OSGIN2: variants seen among roughly 807,000 people sequenced by gnomAD.
The protein encoded by OSGIN2 is oxidative stress induced growth inhibitor family member 2.
In OSGIN2, 19 loss-of-function variants were observed where a neutral mutation model predicts 53.8. That is an observed-to-expected ratio of 0.35 (90% CI 0.25 to 0.52). The LOEUF (loss-of-function observed/expected upper bound fraction) is 0.52, where lower values mean the gene tolerates loss of function less well. Ranked by LOEUF, OSGIN2 falls within the 20% of genes least tolerant of loss-of-function variation. The pLI is 0.95. For synonymous variants in OSGIN2, 236 were observed against 236.0 expected, an observed-to-expected ratio of 1.00 and a Z score of 0.00; for missense variants, 520 against 662.7, an observed-to-expected ratio of 0.78 and a Z score of 2.36.
At chr8:89,906,395 G>C (rs1244863875) in intron 1 of OSGIN2, among the ~76,000 whole-genome samples, 1 of 152,194 alleles carries the variant, frequency 6.6e-6, no homozygotes, top group Admixed American at 6.5e-5. Flanking sequence ...GAACAAACTT[G>C]CATTAGTTGT....
chr8:89,914,241 A>C, intron 3 of OSGIN2, 28 bp downstream of exon 3: 1 of 1,533,752 alleles, frequency 6.5e-7, no homozygotes, highest in Non-Finnish European at 8.8e-7. Flanking sequence ...TCAATTTAAA[A>C]AATTTTTTTA....
intron 1 of OSGIN2, among the ~76,000 whole-genome samples, chr8:89,903,294 C>T (rs1318855370): frequency 1.3e-5 from 2 of 152,168 alleles, no homozygotes; most frequent in African/African-American, 2.4e-5. Context: ...AAGATGTTAG[C>T]CATGGTAAGA....
chr8:89,920,854 T>C (rs1166978500), intron 4 of OSGIN2, among the ~76,000 whole-genome samples: 1 of 152,206 alleles, frequency 6.6e-6, no homozygotes, highest in Non-Finnish European at 1.5e-5. Context: ...TTTATAACTA[T>C]ATGAAAGAAG....
chr8:89,916,783 CCTTT>C (rs1230588892), intron 4 of OSGIN2, among the ~76,000 whole-genome samples: 3 of 152,124 alleles, frequency 2.0e-5, no homozygotes, highest in African/African-American at 7.2e-5. Flanking sequence ...GCTTCTGCTC[CCTTT>C]CTTGAAAGCT....
intron 4 of OSGIN2, among the ~76,000 whole-genome samples, chr8:89,919,946 G>T (rs148487254): frequency 6.6e-6 from 1 of 152,240 alleles, no homozygotes; most frequent in East Asian, 1.9e-4. Context: ...GGGGAAAAAA[G>T]AAAGATAGGA....
At position 89,927,324 on chromosome 8, in the gene OSGIN2, A is replaced by AAAG. The variant is rs1418861031; in HGVS notation, c.*1793_*1795dup. On this transcript the variant is annotated 3_prime_UTR_variant, in exon 6 of 6. Transcript: ENST00000451899. Reference sequence around the variant, plus strand: ...AAAAAAAAAGACTTCAAGAAAAATAAAAGTTCAGTGGAGCTGCAAATAAAT... The same window carrying AAAG: ...AAAAAAAAAGACTTCAAGAAAAATAAAAGAAGTTCAGTGGAGCTGCAAATAAAT... 3.9e-5 allele frequency: 6 copies of AAAG among 152,104 alleles called. No homozygotes were observed. Among genetic ancestry groups the AAAG allele is most frequent in the Admixed American group, 6.5e-5 (1 of 15,270 alleles). The allele number at this position is 152,104 out of a possible 1,614,324, so 9.4% of individuals were successfully genotyped here. A position where few individuals can be genotyped will look rare whatever the true frequency, so the allele number is the denominator to read the frequency against.
At chr8:89,920,382 A>G (rs1245391798) in intron 4 of OSGIN2, among the ~76,000 whole-genome samples, 1 of 152,224 alleles carries the variant, frequency 6.6e-6, no homozygotes, top group African/African-American at 2.4e-5. Context: ...CCACTGCCTA[A>G]AAGAGTTGAT....
Position 89,925,754 on chromosome 8 carries a change from G to A in OSGIN2, c.*222G>A, listed in dbSNP as rs544543367. ...GACAAATAGAAACACTGCCAACTTG[G>A]TGTAACTTAAGCTTTCATTTAACTA... On this transcript the variant is annotated 3_prime_UTR_variant, in exon 6 of 6. Transcript: ENST00000451899. 15 of 450,628 alleles carry A rather than the reference G, an allele frequency of 3.3e-5. No individual in the cohort carries two copies. The East Asian group carries it at 3.6e-4, about 11-fold the overall frequency. 27.9% of individuals were successfully genotyped at this position (450,628 alleles called of 1,614,324 possible).
Position 89,927,143 on chromosome 8 carries a change from G to A in OSGIN2, c.*1611G>A, listed in dbSNP as rs921928223. Reference sequence around the variant, plus strand: ...GCCTGCCTGTTTTTGACCTCTGCATGAGTTGGATTAGATGTTTTTCTTACT... The same window carrying A: ...GCCTGCCTGTTTTTGACCTCTGCATAAGTTGGATTAGATGTTTTTCTTACT... On this transcript the variant is annotated 3_prime_UTR_variant, in exon 6 of 6. Coordinates refer to ENST00000451899, the MANE Select transcript of OSGIN2 (RefSeq NM_001126111.3). 1 of 152,066 alleles carries A rather than the reference G, an allele frequency of 6.6e-6. No individual in the cohort carries two copies. Among genetic ancestry groups the A allele is most frequent in the Non-Finnish European group, 1.5e-5 (1 of 68,000 alleles). 9.4% of individuals were successfully genotyped at this position (152,066 alleles called of 1,614,324 possible).
At position 89,925,779 on chromosome 8, in the gene OSGIN2, A is replaced by G. The variant is rs1333507995; in HGVS notation, c.*247A>G. On this transcript the variant is annotated 3_prime_UTR_variant, in exon 6 of 6. Coordinates refer to ENST00000451899, the MANE Select transcript of OSGIN2 (RefSeq NM_001126111.3). ...GTGTAACTTAAGCTTTCATTTAACT[A>G]AAACATTCTTTTCTTGCAAAACTTA... The G allele has an allele frequency of 7.6e-6, 3 of 395,202 alleles. No homozygotes were observed. The highest frequency in any genetic ancestry group is 1.4e-5 in the Non-Finnish European group (3 of 221,248). The allele number at this position is 395,202 out of a possible 1,614,324, so 24.5% of individuals were successfully genotyped here. A position where few individuals can be genotyped will look rare whatever the true frequency, so the allele number is the denominator to read the frequency against.
At chr8:89,914,936 A>G (rs1176188569) in intron 4 of OSGIN2, among the ~76,000 whole-genome samples, 190 bp downstream of exon 4, 2 of 152,230 alleles carry the variant, frequency 1.3e-5, no homozygotes, top group East Asian at 3.8e-4. Context: ...GCCAAATTTT[A>G]TTACTGGTAC....
At chr8:89,918,702 AAACT>A (rs1343863477) in intron 4 of OSGIN2, among the ~76,000 whole-genome samples, 6 of 152,284 alleles carry the variant, frequency 3.9e-5, no homozygotes, top group South Asian at 2.1e-4. Flanking sequence ...AACGTACCTA[AAACT>A]AACTATCTTT....
Position 89,914,128 on chromosome 8 carries a change from C to T in OSGIN2, c.251C>T (p.Pro84Leu), listed in dbSNP as rs866375343. ...TCTTATATGTTATCAGGCTACAGAC[C>T]GTATTTATCATCAGAAGCAATACAC... ...CLSYMLSGYR[P>L]YLSSEAIHPN... Residue 84 changes from proline to leucine, a missense_variant, in exon 3 of 6, where the codon CCG (proline) becomes CTG (leucine). By Grantham distance (98) the Pro-to-Leu change is moderately conservative (BLOSUM62 -3). This residue lies in a region of OSGIN2 where 203 missense variants were observed against 275.3 expected (regional missense o/e 0.74). Coordinates refer to ENST00000451899, the MANE Select transcript of OSGIN2 (RefSeq NM_001126111.3). 4 of 1,604,736 alleles carry T rather than the reference C, an allele frequency of 2.5e-6. No individual in the cohort carries two copies. The highest frequency in any genetic ancestry group is 2.6e-6 in the Non-Finnish European group (3 of 1,172,154).
intron 4 of OSGIN2, among the ~76,000 whole-genome samples, chr8:89,919,927 A>AG (rs775738659): frequency 2.0e-5 from 3 of 152,172 alleles, no homozygotes; most frequent in Non-Finnish European, 2.9e-5. Flanking sequence ...CATGGCATAT[A>AG]GGTTACATGG....
In OSGIN2 at chr8:89,925,014, C is replaced by A. The variant is rs758937124; in HGVS notation, c.1132C>A (p.Arg378=). The change falls in exon 6 of 6, where the codon CGA becomes AGA. Residue 378 remains arginine, a synonymous_variant. Transcript: ENST00000451899. ...CCCTGTGATTCATGTGTTTCGCAGA[C>A]GAGTAACTGATCCAAGCTTAATTTT... ...NIPVIHVFRR[R]VTDPSLIFKQ... The A allele has an allele frequency of 6.2e-7, 1 of 1,613,888 alleles. No homozygotes were observed. The highest frequency in any genetic ancestry group is 1.1e-5 in the South Asian group (1 of 91,084).
intron 4 of OSGIN2, among the ~76,000 whole-genome samples, chr8:89,920,329 C>T (rs956561956): frequency 2.0e-5 from 3 of 152,096 alleles, no homozygotes; most frequent in Non-Finnish European, 1.5e-5. Flanking sequence ...CATTTTCAAA[C>T]TGGGTGTTAT....
chr8:89,920,700 A>T (rs905394452), intron 4 of OSGIN2, among the ~76,000 whole-genome samples: 1 of 152,224 alleles, frequency 6.6e-6, no homozygotes, highest in African/African-American at 2.4e-5. Flanking sequence ...AACTTAATGA[A>T]CATTTTTCCT....
At chr8:89,917,236 A>G (rs1435563596) in intron 4 of OSGIN2, among the ~76,000 whole-genome samples, 1 of 152,216 alleles carries the variant, frequency 6.6e-6, no homozygotes, top group Non-Finnish European at 1.5e-5. Flanking sequence ...TGTAGATCTT[A>G]TCTGTCATAA....
rs115848451 is a variant in OSGIN2, at chr8:89,912,925, G to T, written c.200-1152G>T. Among the ~76,000 whole-genome samples the T allele has an allele frequency of 5.9e-5, 9 of 152,196 alleles. No homozygotes were observed. In the East Asian group the frequency reaches 1.5e-3, roughly 26 times the overall value. ...TCTAGCACTGAGTCCAACTCTGGGT[G>T]GGGGGCCGCAGGACTGGTTCAGTTG... On this transcript the variant is annotated intron_variant, in intron 2 of 5. Transcript: ENST00000451899.
Sources: gnomAD v4.1 joint callset for allele counts (sites outside exome capture counted in the v4.1 genomes callset) on GRCh38, gnomAD v4.1.1 for gene constraint, gnomAD v4.1.1 regional missense constraint, MANE v1.5 for transcripts, NCBI Gene and HGNC (gene_info 2026-07-23, HGNC 2026-07-21) for gene names.